The following NEB variants were observed in gnomAD, a reference collection of about 807,000 sequenced individuals.
NEB encodes nebulin, also known as nemaline myopathy type 2.
In NEB, 512 loss-of-function variants were observed where a neutral mutation model predicts 952.2. The observed-to-expected ratio is 0.54, with a 90% CI of 0.50 to 0.58. NEB has a LOEUF of 0.58. NEB is among the 20% of genes least tolerant of loss of function. The probability of loss-of-function intolerance (pLI) is 0.00; values close to 1 mark genes in which losing one functional copy is unlikely to be tolerated. For missense variants in NEB, 8,428 were observed against 9,231.1 expected, an observed-to-expected ratio of 0.91 and a Z score of 3.56; for synonymous variants, 2,900 against 3,149.8, an observed-to-expected ratio of 0.92 and a Z score of 2.66.
chr2:151,564,297 C>T (rs776538260), intron 117 of NEB, among the ~76,000 whole-genome samples: 4 of 151,812 alleles, frequency 2.6e-5, no homozygotes, highest in Non-Finnish European at 5.9e-5. Context: ...TGGGATTACA[C>T]GCACGCACCA....
intron 46 of NEB, 56 bp downstream of exon 46, chr2:151,662,079 A>C: frequency 2.5e-5 from 36 of 1,461,712 alleles, no homozygotes; most frequent in Non-Finnish European, 3.3e-5. Flanking sequence ...TTAAATGTAA[A>C]TTATACCTGG....
chr2:151,499,540 G>T, intron 168 of NEB, 150 bp from the exon 169 acceptor site: 2 of 527,060 alleles, frequency 3.8e-6, no homozygotes, highest in South Asian at 4.8e-5. Context: ...CACAGATCTG[G>T]GTGAGAACAT....
intron 105 of NEB, 42 bp from the exon 106 acceptor site, chr2:151,576,396 T>A: frequency 2.7e-6 from 4 of 1,497,638 alleles, no homozygotes; most frequent in Middle Eastern, 2.3e-4. Flanking sequence ...TTGTGTTTTG[T>A]TGTGTATGTG....
At position 151,611,991 on chromosome 2, in the gene NEB, T is replaced by A. The variant is rs1278085672; in HGVS notation, c.11805+195A>T. Among the ~76,000 whole-genome samples, 3 of 152,276 alleles carry A rather than the reference T, an allele frequency of 2.0e-5. No individual in the cohort carries two copies. In the East Asian group the frequency reaches 5.8e-4, roughly 29 times the overall value. On this transcript the variant is annotated intron_variant, in intron 78 of 181. Transcript: ENST00000397345. ...AATCATTCCAGGCTCTGTTCCCACA[T>A]GCACACAGAGAATTAGGGGGCAGGG... is the stretch of plus-strand genomic sequence containing the variant.
chr2:151,695,791 G>C (rs757808453), intron 17 of NEB, 109 bp from the exon 18 acceptor site: 64 of 804,150 alleles, frequency 8.0e-5, no homozygotes, highest in Non-Finnish European at 1.1e-4. Context: ...GATCAGAAGA[G>C]ACATCTAGAG....
chr2:151,676,647 G>T (rs1187926660), intron 34 of NEB, among the ~76,000 whole-genome samples: 1 of 152,042 alleles, frequency 6.6e-6, no homozygotes, highest in Non-Finnish European at 1.5e-5. Flanking sequence ...TTCTACTGCT[G>T]TTATATTGTT....
intron 181 of NEB, among the ~76,000 whole-genome samples, chr2:151,487,737 TGTG>T (rs1353435313): frequency 6.6e-6 from 1 of 152,106 alleles, no homozygotes. Flanking sequence ...AAATGGCATG[TGTG>T]TTTAAACTTA....
rs377617944 is a variant in NEB at position 151,695,676 on chromosome 2, A to G, written c.1576T>C (p.Tyr526His). The G allele has an allele frequency of 3.1e-6, 5 of 1,610,208 alleles. No homozygotes were observed. In the African/African-American group the frequency reaches 5.3e-5, roughly 17 times the overall value. ...VNSKQLSDLN[Y>H]KAKHESEKFK... ...TTTTCACTTTCATGTTTTGCTTTGT[A>G]ATTTAACTATGACAGAGAGAGAACC... Residue 526 changes from tyrosine (Y) to histidine (H), a missense_variant, in exon 18 of 182, where the codon TAC (tyrosine) becomes CAC (histidine). By Grantham distance (83) the Tyr-to-His change is moderately conservative (BLOSUM62 2). Transcript: ENST00000397345.
chr2:151,616,903 G>A (rs899897193), intron 75 of NEB, among the ~76,000 whole-genome samples: 2 of 152,106 alleles, frequency 1.3e-5, no homozygotes, highest in Admixed American at 6.5e-5. Flanking sequence ...TATGGACCTG[G>A]GATTTCAGGA....
intron 10 of NEB, 51 bp downstream of exon 10, chr2:151,717,365 T>A: frequency 8.0e-7 from 1 of 1,245,456 alleles, no homozygotes; most frequent in Non-Finnish European, 1.2e-6. Flanking sequence ...ATGGTTGAAA[T>A]TATTAAGCAG....
chr2:151,514,984 C>A, intron 157 of NEB, 56 bp from the exon 158 acceptor site: 2 of 1,100,388 alleles, frequency 1.8e-6, no homozygotes, highest in East Asian at 2.6e-5. Flanking sequence ...TACAATATAT[C>A]TCTCCATCTC....
intron 88 of NEB, among the ~76,000 whole-genome samples, chr2:151,601,056 T>G (rs2097488556): frequency 9.1e-6 from 1 of 109,404 alleles, no homozygotes; most frequent in Non-Finnish European, 1.8e-5. Context: ...CTTATTACTT[T>G]AAATCAAATT....
intron 107 of NEB, among the ~76,000 whole-genome samples, chr2:151,572,062 C>T (rs1241402978): frequency 1.3e-5 from 2 of 152,158 alleles, no homozygotes; most frequent in African/African-American, 4.8e-5. Context: ...TGGCTTACGC[C>T]TATAATCCCA....
chr2:151,491,430 C>A, intron 179 of NEB: 1 of 341,738 alleles, frequency 2.9e-6, no homozygotes, highest in South Asian at 3.6e-5. Flanking sequence ...ACTGTTTTTT[C>A]TTTGGAAGAA....
chr2:151,708,691 C>G (rs1162105428), intron 12 of NEB, among the ~76,000 whole-genome samples: 1 of 152,188 alleles, frequency 6.6e-6, no homozygotes, highest in African/African-American at 2.4e-5. Context: ...GTCGACTGAC[C>G]TCTGACACTT....
chr2:151,555,520 A>G (rs1341320802), intron 124 of NEB, among the ~76,000 whole-genome samples: 1 of 152,192 alleles, frequency 6.6e-6, no homozygotes, highest in Non-Finnish European at 1.5e-5. Flanking sequence ...CAGTTTCTAC[A>G]AGGCTTTCAA....
chr2:151,662,835 T>C (rs955538370), intron 45 of NEB, among the ~76,000 whole-genome samples: 2 of 152,192 alleles, frequency 1.3e-5, no homozygotes, highest in African/African-American at 4.8e-5. Context: ...TTTGTGTAAA[T>C]TTCATTTTTT....
chr2:151,512,049 G>A (rs1318190224), intron 161 of NEB, among the ~76,000 whole-genome samples: 1 of 33,194 alleles, frequency 3.0e-5, no homozygotes, highest in Admixed American at 2.6e-4. Flanking sequence ...TTTTTTTTTT[G>A]AGACAGAGTC....
At chr2:151,490,164 T>TC in intron 180 of NEB, 87 bp from the exon 181 acceptor site, 1 of 1,216,708 alleles carries the variant, frequency 8.2e-7, no homozygotes, top group Non-Finnish European at 1.2e-6. Flanking sequence ...GATGTCTTTT[T>TC]CCCCCAACTT....
Sources: gnomAD v4.1 joint callset for allele counts (sites outside exome capture counted in the v4.1 genomes callset) on GRCh38, gnomAD v4.1.1 for gene constraint, MANE v1.5 for transcripts, NCBI Gene and HGNC (gene_info 2026-07-23, HGNC 2026-07-21) for gene names.